Variants in FSHR observed in about 807,000 individuals in gnomAD.
FSHR encodes the protein follicle-stimulating hormone receptor.
A neutral mutation model predicts 52.1 loss-of-function variants in FSHR; 46 were observed. The observed-to-expected ratio is 0.88, with a 90% CI of 0.70 to 1.13. The LOEUF (loss-of-function observed/expected upper bound fraction) is 1.13. FSHR is among the 50% of genes most tolerant of loss of function. The pLI is 0.00. For synonymous variants in FSHR, 399 were observed against 309.6 expected (o/e 1.29, Z -3.03); for missense variants, 964 against 834.6 (o/e 1.16, Z -1.91).
chr2:49,115,588 A>G (rs1671569425), intron 1 of FSHR, among the ~76,000 whole-genome samples: 1 of 152,278 alleles, frequency 6.6e-6, no homozygotes, highest in East Asian at 1.9e-4. Flanking sequence ...TTTTTTAGTG[A>G]TGGAGCTGGG....
At chr2:49,046,734 G>C (rs1429799586) in intron 2 of FSHR, among the ~76,000 whole-genome samples, 1 of 152,164 alleles carries the variant, frequency 6.6e-6, no homozygotes, top group Admixed American at 6.6e-5. Context: ...ACATTTTGTA[G>C]CTCAAGAAGA....
chr2:49,008,231 G>A (rs1426855821), intron 4 of FSHR, among the ~76,000 whole-genome samples: 1 of 117,010 alleles, frequency 8.5e-6, no homozygotes, highest in Admixed American at 1.1e-4. Context: ...CTGTGTCCAT[G>A]TGATCTCATT....
At chr2:49,142,771 G>T (rs1672737111) in intron 1 of FSHR, among the ~76,000 whole-genome samples, 1 of 152,162 alleles carries the variant, frequency 6.6e-6, no homozygotes, top group African/African-American at 2.4e-5. Context: ...TATAGTGGTG[G>T]TAGGGGAGAT....
chr2:49,136,205 A>G (rs374543007), intron 1 of FSHR, among the ~76,000 whole-genome samples: 51 of 152,288 alleles, frequency 3.3e-4, no homozygotes, highest in African/African-American at 1.2e-3. Context: ...CCTTAAAGAA[A>G]GAAAAATAAA....
chr2:49,012,257 G>C (rs1667303476), intron 4 of FSHR, among the ~76,000 whole-genome samples: 1 of 152,048 alleles, frequency 6.6e-6, no homozygotes, highest in African/African-American at 2.4e-5. Context: ...CAGATCAATA[G>C]ACAATCTTTC....
Position 49,113,617 on chromosome 2 carries a change from GAAC to G in FSHR, c.152+40646_152+40648del, listed in dbSNP as rs991534425. 1.5e-4 allele frequency among the ~76,000 whole-genome samples: 23 copies of G among 152,218 alleles called. No individual in the cohort carries two copies. In the South Asian group the frequency reaches 2.1e-3, roughly 14 times the overall value. On this transcript the variant is annotated intron_variant, in intron 1 of 9. Coordinates refer to ENST00000406846, the MANE Select transcript of FSHR (RefSeq NM_000145.4). ...TTTTCTCTTTTACTTTAACCCGTGA[GAAC>G]AACATTTTCTTCATTTTTTATTTTC... is the stretch of plus-strand genomic sequence containing the variant.
intron 4 of FSHR, among the ~76,000 whole-genome samples, chr2:49,014,345 T>G (rs987795228): frequency 6.6e-6 from 1 of 152,100 alleles, no homozygotes; most frequent in African/African-American, 2.4e-5. Context: ...TTTTGTGAAC[T>G]TGATACAGGA....
intron 4 of FSHR, among the ~76,000 whole-genome samples, chr2:48,995,850 T>A (rs528653020): frequency 3.9e-5 from 6 of 152,198 alleles, no homozygotes; most frequent in African/African-American, 1.4e-4. Flanking sequence ...GGAAAACATT[T>A]TTTTTTACCT....
rs112393860 is a variant in FSHR, at chr2:49,128,736, A to T, written c.152+25530T>A. Among the ~76,000 whole-genome samples the T allele has an allele frequency of 2.0e-5, 3 of 152,030 alleles. No homozygotes were observed. In the South Asian group the frequency reaches 6.2e-4, roughly 32 times the overall value. Reference sequence around the variant, plus strand: ...ATGTGGGAGAAGAGAGGACAGAAACAGCTAGCTGCTTTAAATGAGTCTCTG... The same window carrying T: ...ATGTGGGAGAAGAGAGGACAGAAACTGCTAGCTGCTTTAAATGAGTCTCTG... On this transcript the variant is annotated intron_variant, in intron 1 of 9. Coordinates refer to ENST00000406846, the MANE Select transcript of FSHR (RefSeq NM_000145.4).
chr2:49,151,755 G>C (rs1287548925), intron 1 of FSHR, among the ~76,000 whole-genome samples: 1 of 152,088 alleles, frequency 6.6e-6, no homozygotes, highest in Non-Finnish European at 1.5e-5. Flanking sequence ...AGGTGAATTA[G>C]AGATACTTAG....
intron 1 of FSHR, among the ~76,000 whole-genome samples, chr2:49,106,288 A>T (rs1671218379): frequency 6.6e-6 from 1 of 152,182 alleles, no homozygotes; most frequent in Non-Finnish European, 1.5e-5. Context: ...GTGAGTGACT[A>T]TATCAGCGAT....
Position 49,038,493 on chromosome 2 carries a change from G to C in FSHR, c.225-18333C>G, listed in dbSNP as rs1032242280. On this transcript the variant is annotated intron_variant, in intron 2 of 9. Transcript: ENST00000406846. ...AAAAATAATTAGCCGGGCGTGGTGG[G>C]GAGCACCTGTAGTCCCAGCTACTCA... is the stretch of plus-strand genomic sequence containing the variant. Among the ~76,000 whole-genome samples the C allele has an allele frequency of 4.0e-5, 6 of 151,578 alleles. No homozygotes were observed. The East Asian group carries it at 5.8e-4, about 15-fold the overall frequency.
rs896156926 is a variant in FSHR, at chr2:49,055,449, C to G, written c.224+12770G>C. ...CAGAAGGAGAAGAGAAAGGAAAAGG[C>G]ATAGAAAGCATATTTAATAAAATAA... On this transcript the variant is annotated intron_variant, in intron 2 of 9. Coordinates refer to ENST00000406846, the MANE Select transcript of FSHR (RefSeq NM_000145.4). Among the ~76,000 whole-genome samples the G allele has an allele frequency of 3.7e-5, 5 of 136,696 alleles. 1 individual carries two copies. In the South Asian group the frequency reaches 1.2e-3, roughly 32 times the overall value. The allele number at this position is 136,696 out of a possible 152,430, so 89.7% of individuals were successfully genotyped here. A position where few individuals can be genotyped will look rare whatever the true frequency, so the allele number is the denominator to read the frequency against.
intron 1 of FSHR, among the ~76,000 whole-genome samples, chr2:49,111,289 C>A (rs1167880127): frequency 6.6e-6 from 1 of 152,082 alleles, no homozygotes; most frequent in East Asian, 1.9e-4. Context: ...TTTTGGCCTG[C>A]CCTGTGAGGG....
intron 8 of FSHR, among the ~76,000 whole-genome samples, chr2:48,969,553 A>G (rs1045930943): frequency 1.3e-5 from 2 of 149,296 alleles, no homozygotes; most frequent in Non-Finnish European, 3.0e-5. Flanking sequence ...TGGGAAGACA[A>G]AAATCCTATG....
intron 4 of FSHR, 78 bp downstream of exon 4, chr2:49,017,411 G>C (rs1667525892): frequency 9.3e-7 from 1 of 1,078,506 alleles, no homozygotes; most frequent in Admixed American, 1.8e-5. Context: ...GCTCCCCAGA[G>C]TATCAAGTAG....
intron 1 of FSHR, among the ~76,000 whole-genome samples, chr2:49,106,535 A>C (rs72879857): frequency 6.6e-6 from 1 of 152,158 alleles, no homozygotes; most frequent in African/African-American, 2.4e-5. Flanking sequence ...ATTGAAATCA[A>C]TTAAGCGAGA....
intron 8 of FSHR, among the ~76,000 whole-genome samples, chr2:48,979,415 T>C (rs974144445): frequency 6.6e-6 from 1 of 151,958 alleles, no homozygotes; most frequent in African/African-American, 2.4e-5. Flanking sequence ...CACTCCAGCA[T>C]GGGTGATTAA....
intron 6 of FSHR, among the ~76,000 whole-genome samples, chr2:48,984,618 G>T (rs1675406490): frequency 6.6e-6 from 1 of 150,596 alleles, no homozygotes; most frequent in East Asian, 1.9e-4. Flanking sequence ...GCCTAATATT[G>T]AGAAGAGAAT....
Sources: allele counts gnomAD v4.1 joint callset (sites outside exome capture counted in the v4.1 genomes callset), GRCh38; gene constraint gnomAD v4.1.1; transcripts MANE v1.5; gene names NCBI Gene and HGNC (gene_info 2026-07-23, HGNC 2026-07-21).